PCCA: variants seen among roughly 807,000 people sequenced by gnomAD.
PCCA encodes the protein propionyl-CoA carboxylase alpha chain, mitochondrial.
PCCA carries 74 observed loss-of-function variants against 101.3 expected under a neutral mutation model. The ratio of observed to expected loss-of-function variants is 0.73; its 90% CI spans 0.61 to 0.89. PCCA has a LOEUF of 0.89. Among genes scored for constraint, PCCA ranks in the 40% least tolerant of loss-of-function variants. The pLI is 0.00. For synonymous variants in PCCA, 294 were observed against 313.6 expected (o/e 0.94, Z 0.66); for missense variants, 891 against 907.0 (o/e 0.98, Z 0.23).
At chr13:100,120,122 C>T (rs1027279480) in intron 4 of PCCA, among the ~76,000 whole-genome samples, 7 of 151,896 alleles carry the variant, frequency 4.6e-5, no homozygotes, top group Admixed American at 2.6e-4. Flanking sequence ...CTCAGCCTCC[C>T]AAAGTGCTGG....
At chr13:100,380,413 A>G (rs959630388) in intron 19 of PCCA, among the ~76,000 whole-genome samples, 1 of 152,180 alleles carries the variant, frequency 6.6e-6, no homozygotes, top group African/African-American at 2.4e-5. Context: ...GATAAATCAT[A>G]TTTCCATCTT....
At chr13:100,378,666 A>G (rs753340089) in intron 19 of PCCA, among the ~76,000 whole-genome samples, 4 of 152,124 alleles carry the variant, frequency 2.6e-5, no homozygotes, top group Admixed American at 2.0e-4. Context: ...TTATTTCAAA[A>G]GACTTCTCTT....
At chr13:100,344,170 G>C (rs190576028) in intron 18 of PCCA, among the ~76,000 whole-genome samples, 85 of 152,346 alleles carry the variant, frequency 5.6e-4, no homozygotes, top group African/African-American at 2.0e-3. Context: ...CAAAGGGCTT[G>C]AAAGAGGTGG....
At chr13:100,423,404 T>G (rs1299273373) in intron 19 of PCCA, among the ~76,000 whole-genome samples, 3 of 152,226 alleles carry the variant, frequency 2.0e-5, no homozygotes. Context: ...CCTTGGATGC[T>G]AGCATCATTA....
At chr13:100,264,537 T>G (rs2062804588) in intron 10 of PCCA, among the ~76,000 whole-genome samples, 1 of 152,134 alleles carries the variant, frequency 6.6e-6, no homozygotes, top group Admixed American at 6.6e-5. Context: ...ATCATATCTT[T>G]GAGATTCTTC....
chr13:100,145,185 G>T (rs986624046), intron 4 of PCCA, among the ~76,000 whole-genome samples: 1 of 152,176 alleles, frequency 6.6e-6, no homozygotes, highest in Admixed American at 6.5e-5. Context: ...AATGGTAAAA[G>T]AATCCCAACC....
At chr13:100,126,566 G>A (rs894376138) in intron 4 of PCCA, among the ~76,000 whole-genome samples, 1 of 152,046 alleles carries the variant, frequency 6.6e-6, no homozygotes, top group South Asian at 2.1e-4. Context: ...TGCTGTAGCG[G>A]GGGGTCTCTT....
intron 8 of PCCA, among the ~76,000 whole-genome samples, chr13:100,256,531 A>T (rs944642684): frequency 3.9e-5 from 6 of 152,210 alleles, no homozygotes; most frequent in African/African-American, 1.4e-4. Context: ...ACAGAAAAAA[A>T]TTTTAATTGA....
intron 6 of PCCA, among the ~76,000 whole-genome samples, chr13:100,200,256 A>G (rs908471892): frequency 1.3e-5 from 2 of 152,050 alleles, no homozygotes; most frequent in African/African-American, 2.4e-5. Context: ...GCCTGCCACC[A>G]TGCCTGGCTA....
intron 7 of PCCA, among the ~76,000 whole-genome samples, chr13:100,221,116 G>A (rs9585383): frequency 0.16 from 23,745 of 152,268 alleles, 1,993 homozygotes; most frequent in Non-Finnish European, 0.18. Flanking sequence ...ACCTATGCCT[G>A]TCTTCTTTCA....
At chr13:100,145,668 C>T (rs2052446622) in intron 4 of PCCA, among the ~76,000 whole-genome samples, 1 of 151,882 alleles carries the variant, frequency 6.6e-6, no homozygotes, top group Admixed American at 6.6e-5. Flanking sequence ...TGGAGACCAT[C>T]CTGGCTAAGA....
intron 18 of PCCA, 33 bp from the exon 19 acceptor site, chr13:100,368,439 T>G (rs1198109686): frequency 8.9e-6 from 10 of 1,127,728 alleles, no homozygotes; most frequent in Admixed American, 3.4e-5. Context: ...TAATATAAAA[T>G]TATTAACTCT....
At chr13:100,300,662 T>A (rs982662540) in intron 12 of PCCA, among the ~76,000 whole-genome samples, 13 of 152,254 alleles carry the variant, frequency 8.5e-5, no homozygotes, top group Non-Finnish European at 1.9e-4. Flanking sequence ...GTGACTTAAG[T>A]GGCTTCATTT....
At chr13:100,369,156 G>A (rs1471907137) in intron 19 of PCCA, among the ~76,000 whole-genome samples, 1 of 152,164 alleles carries the variant, frequency 6.6e-6, no homozygotes, top group African/African-American at 2.4e-5. Context: ...TGTGATCCGA[G>A]TGTGCCAGAA....
At chr13:100,462,850 T>C (rs2082262708) in intron 21 of PCCA, among the ~76,000 whole-genome samples, 1 of 152,160 alleles carries the variant, frequency 6.6e-6, no homozygotes, top group African/African-American at 2.4e-5. Context: ...GAAATGTAAA[T>C]GACTGATTAC....
intron 19 of PCCA, among the ~76,000 whole-genome samples, chr13:100,371,965 T>A (rs1279582246): frequency 2.0e-5 from 3 of 152,282 alleles, no homozygotes; most frequent in Non-Finnish European, 4.4e-5. Flanking sequence ...TAAATTTGGG[T>A]CCTTTTCTTA....
intron 16 of PCCA, among the ~76,000 whole-genome samples, chr13:100,316,587 C>T (rs1383139877): frequency 6.6e-6 from 1 of 152,070 alleles, no homozygotes; most frequent in African/African-American, 2.4e-5. Context: ...AGAAAATAAT[C>T]TCTTTTTTTG....
At chr13:100,089,291 G>T (rs1358250402) in intron 1 of PCCA, 66 bp downstream of exon 1, 28 of 1,354,038 alleles carry the variant, frequency 2.1e-5, no homozygotes, top group Admixed American at 7.1e-5. Flanking sequence ...GCCTCTGGGC[G>T]GCTGGCGCCG....
At chr13:100,230,668 T>C (rs934283518) in intron 7 of PCCA, among the ~76,000 whole-genome samples, 1 of 152,198 alleles carries the variant, frequency 6.6e-6, no homozygotes, top group Non-Finnish European at 1.5e-5. Flanking sequence ...TTCAGATCCC[T>C]CTTGCCTCTC....
Sources: gnomAD v4.1 joint callset for allele counts (sites outside exome capture counted in the v4.1 genomes callset) on GRCh38, gnomAD v4.1.1 for gene constraint, MANE v1.5 for transcripts, NCBI Gene and HGNC (gene_info 2026-07-23, HGNC 2026-07-21) for gene names.